Variants in PLK4 observed in about 807,000 individuals in gnomAD.
PLK4 encodes serine/threonine-protein kinase PLK4.
PLK4 carries 51 observed loss-of-function variants against 103.0 expected under a neutral mutation model. The observed-to-expected ratio is 0.50, with a 90% CI of 0.40 to 0.63. The LOEUF (loss-of-function observed/expected upper bound fraction) is 0.63. PLK4 is among the 20% of genes least tolerant of loss of function. The pLI, the probability that PLK4 is intolerant of heterozygous loss-of-function variation, is 0.00. For synonymous variants in PLK4, 389 were observed against 376.8 expected (o/e 1.03, Z -0.38); for missense variants, 1,054 against 1,151.0 (o/e 0.92, Z 1.22).
chr4:127,886,248 C>T lies in PLK4; in HGVS notation c.878C>T (p.Ala293Val), dbSNP rs772833925. The change falls in exon 5 of 16, where the codon GCA becomes GTA. Residue 293 changes from alanine to valine, a missense_variant. Ala to Val is a moderately conservative substitution (Grantham distance 64). This residue lies in a region of PLK4 where 680 missense variants were observed against 660.3 expected (regional missense o/e 1.03). Transcript: ENST00000270861. ...IDSGHATIST[A>V]ITASSSTSIS... ...AGTGGGCATGCCACAATTTCTACTG[C>T]AATTACAGCTTCTTCCAGTACCAGT... 6.2e-7 allele frequency: 1 copy of T among 1,613,852 alleles called. No individual in the cohort carries two copies. The highest frequency in any genetic ancestry group is 8.5e-7 in the Non-Finnish European group (1 of 1,179,720).
intron 11 of PLK4, 28 bp downstream of exon 11, chr4:127,893,446 A>G (rs769727130): frequency 6.2e-7 from 1 of 1,600,730 alleles, no homozygotes; most frequent in Non-Finnish European, 8.5e-7. Flanking sequence ...GGTTTTTCAT[A>G]CCAATTAATA....
At chr4:127,896,666 G>T in intron 14 of PLK4, 135 bp from the exon 15 acceptor site, 1 of 462,768 alleles carries the variant, frequency 2.2e-6, no homozygotes, top group Non-Finnish European at 3.9e-6. Context: ...TTTTTTAACT[G>T]TGGAAAACCT....
chr4:127,893,270 ATTT>A lies in PLK4; in HGVS notation c.2189-5_2189-3del. 14 of 1,182,880 alleles carry A rather than the reference ATTT, an allele frequency of 1.2e-5. No individual in the cohort carries two copies. Among genetic ancestry groups the A allele is most frequent in the East Asian group, 5.7e-5 (2 of 35,316 alleles). The allele number at this position is 1,182,880 out of a possible 1,614,324, so 73.3% of individuals were successfully genotyped here. A position where few individuals can be genotyped will look rare whatever the true frequency, so the allele number is the denominator to read the frequency against. On this transcript the variant is annotated splice_polypyrimidine_tract_variant and intron_variant, in intron 10 of 15. Transcript: ENST00000270861. The stretch of plus-strand genomic sequence containing the variant: ...AAAAGGATAAGAGAACAGTTTTCTG[ATTT>A]TTTTTTTTTAGGGGTAAAAATACAC...
intron 4 of PLK4, among the ~76,000 whole-genome samples, chr4:127,885,397 T>C (rs1735080757): frequency 7.0e-6 from 1 of 142,664 alleles, no homozygotes; most frequent in African/African-American, 2.6e-5. Context: ...GAGAATGGCA[T>C]GAACCCGGGA....
intron 6 of PLK4, among the ~76,000 whole-genome samples, chr4:127,887,698 A>G (rs1022161084): frequency 5.9e-5 from 9 of 151,792 alleles, no homozygotes; most frequent in Admixed American, 5.9e-4. Flanking sequence ...GCACATAGCA[A>G]GACCCTGTAT....
In PLK4 at chr4:127,880,900, G is replaced by C. The variant is rs1734887939; in HGVS notation, c.-235G>C. The C allele has an allele frequency of 3.5e-6, 2 of 571,228 alleles. No homozygotes were observed. The highest frequency in any genetic ancestry group is 4.0e-5 in the South Asian group (2 of 49,704). 35.4% of individuals were successfully genotyped at this position (571,228 alleles called of 1,614,324 possible). On this transcript the variant is annotated 5_prime_UTR_variant, in exon 1 of 16. Transcript: ENST00000270861. ...GATCCATCTCGTTACGTCACCACCA[G>C]CCTAGCTCGGACGGCAAGCGGCGGG...
chr4:127,885,799 A>AT lies in PLK4; in HGVS notation c.429_430insT (p.Leu144SerfsTer4). On this transcript the variant is annotated frameshift_variant, in exon 5 of 16. Transcript: ENST00000270861. LOFTEE classifies it high-confidence loss of function. ...GGGACCTCACACTTTCTAACCTCCT[A>AT]CTGACTCGTAATATGAACATCAAGA... is the stretch of plus-strand genomic sequence containing the variant. 6.2e-7 allele frequency: 1 copy of AT among 1,613,818 alleles called. No individual in the cohort carries two copies. Among genetic ancestry groups the AT allele is most frequent in the Middle Eastern group, 1.6e-4 (1 of 6,062 alleles).
rs187861441 is a variant in PLK4, at chr4:127,898,926, T to G, written c.*385T>G. The G allele has an allele frequency of 1.2e-3, 184 of 157,632 alleles. No individual in the cohort carries two copies. Among genetic ancestry groups the G allele is most frequent in the Admixed American group, 3.9e-3 (61 of 15,618 alleles). 9.8% of individuals were successfully genotyped at this position (157,632 alleles called of 1,614,324 possible). ...AAAACCTGCTGGAATTTTGGAATTT[T>G]TGAAGATGTAAATAATGTGTATTTA... On this transcript the variant is annotated 3_prime_UTR_variant, in exon 16 of 16. Transcript: ENST00000270861.
chr4:127,881,743 G>C, intron 1 of PLK4, 88 bp from the exon 2 acceptor site: 1 of 806,432 alleles, frequency 1.2e-6, no homozygotes. Context: ...TTCCCCACTC[G>C]ATCCATTTTA....
At chr4:127,885,679 G>A in intron 4 of PLK4, 29 bp from the exon 5 acceptor site, 1 of 1,544,850 alleles carries the variant, frequency 6.5e-7, no homozygotes, top group Non-Finnish European at 8.8e-7. Context: ...TTTCTAAATT[G>A]TAAATTCTCT....
chr4:127,897,406 A>G (rs1034153624), intron 15 of PLK4, among the ~76,000 whole-genome samples: 2 of 152,260 alleles, frequency 1.3e-5, no homozygotes, highest in Admixed American at 6.5e-5. Flanking sequence ...CCAAAAATAA[A>G]GAATCTGGCA....
rs929980491 is a variant in PLK4 at position 127,881,026 on chromosome 4, G to A, written c.-109G>A. 6 of 1,298,840 alleles carry A rather than the reference G, an allele frequency of 4.6e-6. No homozygotes were observed. The African/African-American group carries it at 7.3e-5, about 16-fold the overall frequency. 80.5% of individuals were successfully genotyped at this position (1,298,840 alleles called of 1,614,324 possible). A position where few individuals can be genotyped will look rare whatever the true frequency, so the allele number is the denominator to read the frequency against. ...CGTCGTCGCCTGGAGCGGCGGTTTA[G>A]AGAGCCGAGCCTGATGGGCGCCAAG... On this transcript the variant is annotated 5_prime_UTR_variant, in exon 1 of 16. The change abolishes the stop of an existing upstream ORF in the 5' untranslated region. Transcript: ENST00000270861.
chr4:127,883,833 T>C (rs745706509), intron 4 of PLK4, among the ~76,000 whole-genome samples: 1 of 152,194 alleles, frequency 6.6e-6, no homozygotes, highest in South Asian at 2.1e-4. Flanking sequence ...TTTTCAAATG[T>C]AGTAACCTTT....
chr4:127,893,192 A>G lies in PLK4; in HGVS notation c.2189-93A>G, dbSNP rs1474527521. On this transcript the variant is annotated intron_variant, in intron 10 of 15. Transcript: ENST00000270861. ...ATGAATAAAAATGATACCTTGATCC[A>G]GGAGCCATTATATACTGGTATGATA... The G allele has an allele frequency of 7.5e-6, 5 of 665,602 alleles. 1 individual carries two copies. The highest frequency in any genetic ancestry group is 1.2e-5 in the Non-Finnish European group (5 of 408,656). 41.2% of individuals were successfully genotyped at this position (665,602 alleles called of 1,614,324 possible). A position where few individuals can be genotyped will look rare whatever the true frequency, so the allele number is the denominator to read the frequency against.
chr4:127,882,634 C>T (rs1418681308), intron 2 of PLK4, among the ~76,000 whole-genome samples: 1 of 152,136 alleles, frequency 6.6e-6, no homozygotes, highest in Non-Finnish European at 1.5e-5. Context: ...TGCTGCACAC[C>T]TGTAATCCCA....
chr4:127,883,781 C>T (rs567544084), intron 4 of PLK4, among the ~76,000 whole-genome samples: 69 of 152,154 alleles, frequency 4.5e-4, no homozygotes, highest in African/African-American at 1.7e-3. Flanking sequence ...TCCTTAAAAC[C>T]ACATTTTAAA....
In PLK4 at chr4:127,881,855, G is replaced by C. The variant is rs900711609; in HGVS notation, c.55G>C (p.Gly19Arg). 1.1e-5 allele frequency: 18 copies of C among 1,606,592 alleles called. No individual in the cohort carries two copies. Among genetic ancestry groups the C allele is most frequent in the Non-Finnish European group, 1.4e-5 (16 of 1,173,374 alleles). Residue 19 changes from glycine to arginine, a missense_variant, in exon 2 of 16, where the codon GGT becomes CGT. Coordinates refer to ENST00000270861, the MANE Select transcript of PLK4 (RefSeq NM_014264.5). ...IEDFKVGNLL[G>R]KGSFAGVYRA... ...GGATTTTAAAGTTGGAAATCTGCTT[G>C]GTAAAGGATCATTTGCTGGTGTCTA...
In PLK4 at chr4:127,896,809, T is replaced by A. The variant is rs1735583156; in HGVS notation, c.2712T>A (p.Ser904Arg). Residue 904 changes from serine (S) to arginine (R), a missense_variant, in exon 15 of 16, where the codon AGT becomes AGA. By Grantham distance (110) the Ser-to-Arg change is moderately radical. Around this residue, in one of 4 missense-constraint regions of PLK4, gnomAD observed 167 missense variants for 200.7 expected, o/e 0.83. Transcript: ENST00000270861. ...KNVGWATQLT[S>R]GAVWVQFNDG... ...GCTTATTATTTTTCTAGTTAACTAGTGGAGCTGTGTGGGTTCAGTTTAATG... is the reference window on the plus strand; with the variant it reads ...GCTTATTATTTTTCTAGTTAACTAGAGGAGCTGTGTGGGTTCAGTTTAATG... 3.7e-6 allele frequency: 6 copies of A among 1,603,812 alleles called. No individual in the cohort carries two copies. Among genetic ancestry groups the A allele is most frequent in the Non-Finnish European group, 4.3e-6 (5 of 1,171,334 alleles).
intron 9 of PLK4, chr4:127,891,930 A>G (rs1735375484): frequency 3.9e-6 from 1 of 253,804 alleles, no homozygotes; most frequent in Non-Finnish European, 7.3e-6. Flanking sequence ...ATGTCTCACA[A>G]ATGTAATTTG....
Sources: allele counts gnomAD v4.1 joint callset (sites outside exome capture counted in the v4.1 genomes callset), GRCh38; gene constraint gnomAD v4.1.1; regional missense constraint gnomAD v4.1.1; transcripts MANE v1.5; gene names NCBI Gene and HGNC (gene_info 2026-07-23, HGNC 2026-07-21).